The following CHD8 variants were observed in gnomAD, a reference collection of about 807,000 sequenced individuals.
CHD8 encodes the protein ATP-dependent chromatin remodeler CHD8.
Under a neutral mutation model 279.2 loss-of-function variants are expected in CHD8, and 31 were observed. The ratio of observed to expected loss-of-function variants is 0.11; its 90% CI spans 0.08 to 0.15. The LOEUF (loss-of-function observed/expected upper bound fraction) is 0.15, where lower values mean the gene tolerates loss of function less well. Among genes scored for constraint, CHD8 ranks in the 10% least tolerant of loss-of-function variants. The probability of loss-of-function intolerance (pLI) is 1.00; values close to 1 mark genes in which losing one functional copy is unlikely to be tolerated. For synonymous variants in CHD8, 1,081 were observed against 1,139.6 expected, an observed-to-expected ratio of 0.95 and a Z score of 1.04; for missense variants, 2,146 against 3,230.5, an observed-to-expected ratio of 0.66 and a Z score of 8.14.
chr14:21,443,855 CAAAA>C (rs369671712), intron 1 of CHD8, among the ~76,000 whole-genome samples: 2 of 47,224 alleles, frequency 4.2e-5, no homozygotes, highest in Non-Finnish European at 4.3e-5. Context: ...GACTCCGTCT[CAAAA>C]AAAAAAAAAA....
At position 21,402,306 on chromosome 14, in the gene CHD8, C is replaced by A; in HGVS notation, c.3882+30G>T. ...TTCCCTCTATCACAATGATCTACTA[C>A]AAACTTATCTATAAACTAAGAGGAC... is the stretch of plus-strand genomic sequence containing the variant. On this transcript the variant is annotated intron_variant, in intron 19 of 37. Coordinates refer to ENST00000646647, the MANE Select transcript of CHD8 (RefSeq NM_001170629.2). The surrounding 1 kb of genome is among the most constrained non-coding windows in gnomAD (Gnocchi z 4.5). 2 of 1,612,264 alleles carry A rather than the reference C, an allele frequency of 1.2e-6. No homozygotes were observed. Among genetic ancestry groups the A allele is most frequent in the Non-Finnish European group, 1.7e-6 (2 of 1,178,604 alleles).
At chr14:21,454,184 AAAG>A (rs1890327449) in intron 1 of CHD8, among the ~76,000 whole-genome samples, 1 of 148,066 alleles carries the variant, frequency 6.8e-6, no homozygotes, top group Non-Finnish European at 1.5e-5. Flanking sequence ...AAAGAAAAGA[AAAG>A]AAAAGAAAAG....
chr14:21,392,636 G>T lies in CHD8; in HGVS notation c.6642C>A (p.Pro2214=). The part of the protein sequence containing the change: ...TPGEYGDSPV[P]TPRSSSAASM... ...AAGCTGCACTACTACTTCGTGGTGT[G>T]GGGACTGGAGAGTCACCATATTCTC... is the stretch of plus-strand genomic sequence containing the variant. The change falls in exon 34 of 38, where the codon CCC becomes CCA. Residue 2214 remains proline (P), a synonymous_variant. Transcript: ENST00000646647. The T allele has an allele frequency of 6.2e-7, 1 of 1,613,946 alleles. No individual in the cohort carries two copies. The highest frequency in any genetic ancestry group is 1.1e-5 in the South Asian group (1 of 91,072).
chr14:21,415,478 C>G, intron 7 of CHD8, 96 bp downstream of exon 7: 1 of 690,998 alleles, frequency 1.4e-6, no homozygotes, highest in Non-Finnish European at 2.0e-6. Flanking sequence ...GCACTTTAGC[C>G]TGGGTAACAC....
intron 37 of CHD8, among the ~76,000 whole-genome samples, chr14:21,390,551 G>A (rs578082418): frequency 2.0e-5 from 3 of 152,238 alleles, no homozygotes; most frequent in Admixed American, 6.5e-5. Context: ...AGGCCGAGGC[G>A]GGTGGATCAC....
chr14:21,386,113 T>C lies in CHD8; in HGVS notation c.7246A>G (p.Lys2416Glu). ...LPGPIAPESSKKRARRMRPDL... is the reference protein window; with the variant it reads ...LPGPIAPESSEKRARRMRPDL... ...GGTCGCATCCTACGGGCCCGCTTCT[T>C]GCTGCTCTCTGGTGCAATAGGCCCT... Residue 2416 changes from lysine (K) to glutamate (E), a missense_variant, in exon 38 of 38, where the codon AAG becomes GAG. This residue lies in a region of CHD8 where 336 missense variants were observed against 392.9 expected (regional missense o/e 0.86). Coordinates refer to ENST00000646647, the MANE Select transcript of CHD8 (RefSeq NM_001170629.2). The C allele has an allele frequency of 1.3e-6, 2 of 1,554,596 alleles. No homozygotes were observed. The highest frequency in any genetic ancestry group is 1.7e-6 in the Non-Finnish European group (2 of 1,148,526).
intron 30 of CHD8, 158 bp downstream of exon 30, chr14:21,394,754 A>C: frequency 2.8e-6 from 2 of 717,190 alleles, no homozygotes; most frequent in Non-Finnish European, 2.3e-6. Context: ...TGATTACTGC[A>C]TGCAAGTGAG....
In CHD8 at chr14:21,389,475, G is replaced by T. The variant is rs1887432605; in HGVS notation, c.7182+1472C>A. Among the ~76,000 whole-genome samples, 4 of 152,096 alleles carry T rather than the reference G, an allele frequency of 2.6e-5. No homozygotes were observed. The South Asian group carries it at 8.3e-4, about 32-fold the overall frequency. On this transcript the variant is annotated intron_variant, in intron 37 of 37. Transcript: ENST00000646647. ...AAAATACAAAAATTAGCTGGGTATG[G>T]TAGCATGCGCCAGTGGTCCCAGCTA...
rs1055482449 is a variant in CHD8, at chr14:21,431,697, G to C, written c.-54C>G. The C allele has an allele frequency of 6.3e-6, 10 of 1,595,700 alleles. No homozygotes were observed. Among genetic ancestry groups the C allele is most frequent in the Middle Eastern group, 1.7e-4 (1 of 6,044 alleles). On this transcript the variant is annotated 5_prime_UTR_variant, in exon 2 of 38. Transcript: ENST00000646647. ...CAAGGTCTAGGGAGGGAAGGGGAGGGGGGGTACTGGCTCTCCCCTCCCCTC... is the reference window on the plus strand; with the variant it reads ...CAAGGTCTAGGGAGGGAAGGGGAGGCGGGGTACTGGCTCTCCCCTCCCCTC...
At chr14:21,416,666 A>C (rs1286636834) in intron 5 of CHD8, 3 of 152,182 alleles carry the variant, frequency 2.0e-5, no homozygotes, top group Non-Finnish European at 4.4e-5. Context: ...GAAAACCTCA[A>C]AGGATCAAAT....
At chr14:21,399,052 T>C in intron 26 of CHD8, 1 of 384,106 alleles carries the variant, frequency 2.6e-6, no homozygotes, top group Non-Finnish European at 5.2e-6. Context: ...CAGCAGCATC[T>C]GATATTTGTG....
At chr14:21,412,320 A>AT (rs575457245) in intron 10 of CHD8, among the ~76,000 whole-genome samples, 19 of 151,838 alleles carry the variant, frequency 1.3e-4, no homozygotes, top group Non-Finnish European at 2.4e-4. Context: ...TAATTTTTGT[A>AT]TTTTTAGTAG....
At chr14:21,446,778 C>T (rs1177534940) in intron 1 of CHD8, among the ~76,000 whole-genome samples, 1 of 152,184 alleles carries the variant, frequency 6.6e-6, no homozygotes, top group Non-Finnish European at 1.5e-5. Context: ...TTCTTAACCA[C>T]CTTACTATAC....
At position 21,417,851 on chromosome 14, in the gene CHD8, C is replaced by CA. The variant is rs59449804; in HGVS notation, c.1717-1945dup. On this transcript the variant is annotated intron_variant, in intron 5 of 37. Coordinates refer to ENST00000646647, the MANE Select transcript of CHD8 (RefSeq NM_001170629.2). ...CCTGGGAGACACAGTGAGACTCTCTCAAAAAAAAAAAAAAATATATATATA... is the reference window on the plus strand; with the variant it reads ...CCTGGGAGACACAGTGAGACTCTCTCAAAAAAAAAAAAAAAATATATATATA... Among the ~76,000 whole-genome samples, 773 of 115,978 alleles carry CA rather than the reference C, an allele frequency of 6.7e-3. 7 individuals carry two copies. Among genetic ancestry groups the CA allele is most frequent in the African/African-American group, 0.025 (724 of 28,604 alleles). The allele number at this position is 115,978 out of a possible 152,430, so 76.1% of individuals were successfully genotyped here. A position where few individuals can be genotyped will look rare whatever the true frequency, so the allele number is the denominator to read the frequency against.
chr14:21,393,874 G>A lies in CHD8; in HGVS notation c.5921C>T (p.Ala1974Val). The part of the protein sequence containing the change: ...YMQNHQAGAP[A>V]PSLSRCSTPL... ...AGTAGAGCAGCGTGACAAGGATGGA[G>A]CTGGTGCTCCTGCTTGATGGTTCTG... The change falls in exon 32 of 38, where the codon GCT (alanine) becomes GTT (valine). Residue 1974 changes from alanine to valine, a missense_variant. This residue lies in a region of CHD8 where 513 missense variants were observed against 637.6 expected (regional missense o/e 0.80). Coordinates refer to ENST00000646647, the MANE Select transcript of CHD8 (RefSeq NM_001170629.2). The A allele has an allele frequency of 6.2e-7, 1 of 1,613,986 alleles. No homozygotes were observed. The highest frequency in any genetic ancestry group is 1.6e-4 in the Middle Eastern group (1 of 6,062).
intron 1 of CHD8, among the ~76,000 whole-genome samples, chr14:21,455,322 G>A (rs953227616): frequency 6.6e-6 from 1 of 152,180 alleles, no homozygotes; most frequent in African/African-American, 2.4e-5. Flanking sequence ...AATTCCCTGC[G>A]ACACTAGAGA....
At chr14:21,419,023 C>A (rs1432691282) in intron 5 of CHD8, among the ~76,000 whole-genome samples, 1 of 152,114 alleles carries the variant, frequency 6.6e-6, no homozygotes, top group Non-Finnish European at 1.5e-5. Context: ...ACTATACAAA[C>A]AAAATTTGTG....
chr14:21,413,661 C>T (rs1359606886), intron 9 of CHD8: 1 of 152,810 alleles, frequency 6.5e-6, no homozygotes, highest in African/African-American at 2.4e-5. Context: ...TCCTGAAGCG[C>T]TGGGATTACA....
At chr14:21,455,605 GA>G (rs529969616) in intron 1 of CHD8, among the ~76,000 whole-genome samples, 1,886 of 150,598 alleles carry the variant, frequency 0.013, 34 homozygotes, top group African/African-American at 0.043. Context: ...AAATACAGAA[GA>G]AAAAAAAATA....
Sources: gnomAD v4.1 joint callset for allele counts (sites outside exome capture counted in the v4.1 genomes callset) on GRCh38, gnomAD v4.1.1 for gene constraint, gnomAD v4.1.1 regional missense constraint, Gnocchi (gnomAD v3.1) non-coding constraint, MANE v1.5 for transcripts, NCBI Gene and HGNC (gene_info 2026-07-23, HGNC 2026-07-21) for gene names.